The following CSMD3 variants were observed in gnomAD, a reference collection of about 807,000 sequenced individuals.
CSMD3 encodes the protein CUB and sushi domain-containing protein 3.
CSMD3 carries 177 observed loss-of-function variants against 435.2 expected under a neutral mutation model. The ratio of observed to expected loss-of-function variants is 0.41; its 90% confidence interval spans 0.36 to 0.46. CSMD3 has a LOEUF of 0.46. CSMD3 is among the 20% of genes least tolerant of loss of function. The pLI, the probability that CSMD3 is intolerant of heterozygous loss-of-function variation, is 0.34. For missense variants in CSMD3, 4,265 were observed against 4,504.6 expected (o/e 0.95, Z 1.52); for synonymous variants, 1,656 against 1,520.5 (o/e 1.09, Z -2.07).
At chr8:112,390,136 G>A (rs1788328507) in intron 36 of CSMD3, among the ~76,000 whole-genome samples, 1 of 152,220 alleles carries the variant, frequency 6.6e-6, no homozygotes, top group Non-Finnish European at 1.5e-5. Flanking sequence ...GAACGGATAT[G>A]ATTGCAATCT....
chr8:112,884,675 C>A (rs1564065416), intron 10 of CSMD3, among the ~76,000 whole-genome samples: 1 of 145,910 alleles, frequency 6.9e-6, no homozygotes, highest in African/African-American at 2.5e-5. Flanking sequence ...AGGGGGACAT[C>A]TTTTTTTTTT....
intron 12 of CSMD3, among the ~76,000 whole-genome samples, chr8:112,824,273 C>A (rs2079612787): frequency 6.6e-6 from 1 of 152,066 alleles, no homozygotes; most frequent in African/African-American, 2.4e-5. Flanking sequence ...CAGTCTTTGT[C>A]TTTTAACTGG....
At chr8:112,413,587 C>A (rs747714001) in intron 32 of CSMD3, among the ~76,000 whole-genome samples, 2 of 152,072 alleles carry the variant, frequency 1.3e-5, no homozygotes, top group Non-Finnish European at 2.9e-5. Flanking sequence ...CCAACAGTTA[C>A]CCTGAAAGCA....
chr8:112,832,756 A>T (rs1266770915), intron 11 of CSMD3, among the ~76,000 whole-genome samples: 2 of 151,542 alleles, frequency 1.3e-5, no homozygotes, highest in African/African-American at 4.9e-5. Context: ...CCATGCCCAG[A>T]CTCCTTTCCT....
At chr8:112,759,809 A>G (rs1034827829) in intron 13 of CSMD3, among the ~76,000 whole-genome samples, 5 of 152,058 alleles carry the variant, frequency 3.3e-5, no homozygotes, top group Admixed American at 2.6e-4. Flanking sequence ...TCTTGACTGA[A>G]AGAAATCCTA....
intron 24 of CSMD3, among the ~76,000 whole-genome samples, chr8:112,562,662 T>C (rs1397326676): frequency 6.6e-6 from 1 of 151,630 alleles, no homozygotes; most frequent in Admixed American, 6.6e-5. Context: ...CTCTATAGAA[T>C]TGTTGGTGAA....
chr8:112,880,996 G>A (rs1397149050), intron 10 of CSMD3, among the ~76,000 whole-genome samples: 1 of 151,912 alleles, frequency 6.6e-6, no homozygotes, highest in African/African-American at 2.4e-5. Context: ...AACATGGTTT[G>A]AAATATCCAT....
intron 19 of CSMD3, among the ~76,000 whole-genome samples, chr8:112,647,217 C>T (rs539255663): frequency 1.1e-3 from 166 of 152,048 alleles, no homozygotes; most frequent in African/African-American, 3.9e-3. Context: ...TAGCACTTCC[C>T]TCACAAATGA....
At position 112,864,844 on chromosome 8, in the gene CSMD3, T is replaced by A. The variant is rs79478496; in HGVS notation, c.1634-5578A>T. 4.6e-5 allele frequency among the ~76,000 whole-genome samples: 7 copies of A among 152,290 alleles called. No individual in the cohort carries two copies. In the East Asian group the frequency reaches 1.4e-3, roughly 29 times the overall value. The stretch of plus-strand genomic sequence containing the variant: ...ATAGGTTAGCTAATATTTATGCGTT[T>A]CCTATATTTATGATTATCTTAACTT... On this transcript the variant is annotated intron_variant, in intron 10 of 70. Transcript: ENST00000297405.
chr8:113,195,172 ACACT>A (rs1281396445), intron 3 of CSMD3, among the ~76,000 whole-genome samples: 4 of 150,310 alleles, frequency 2.7e-5, no homozygotes, highest in Non-Finnish European at 5.9e-5. Context: ...CTTACAAAAA[ACACT>A]CACTACTGAA....
rs537467693 is a variant in CSMD3, at chr8:112,616,419, C to G, written c.3715+20398G>C. Reference sequence around the variant, plus strand: ...ATTGTGATCTTCGAACTGCACAGCACTCCTACCATGTGAGATAAATAAGCT... The same window carrying G: ...ATTGTGATCTTCGAACTGCACAGCAGTCCTACCATGTGAGATAAATAAGCT... On this transcript the variant is annotated intron_variant, in intron 22 of 70. Transcript: ENST00000297405. Among the ~76,000 whole-genome samples the G allele has an allele frequency of 3.3e-4, 51 of 152,246 alleles. 1 individual carries two copies. Among genetic ancestry groups the G allele is most frequent in the Admixed American group, 2.7e-3 (41 of 15,258 alleles).
intron 27 of CSMD3, among the ~76,000 whole-genome samples, chr8:112,549,758 G>A (rs1827511283): frequency 6.6e-6 from 1 of 151,964 alleles, no homozygotes; most frequent in African/African-American, 2.4e-5. Flanking sequence ...TATGAGATGA[G>A]CATTGTTATT....
At chr8:112,426,585 C>T (rs12675142) in intron 32 of CSMD3, among the ~76,000 whole-genome samples, 29,782 of 152,072 alleles carry the variant, frequency 0.2, 3,334 homozygotes, top group Middle Eastern at 0.37. Flanking sequence ...TAGCTAATGT[C>T]TATTCATCTT....
chr8:112,476,666 G>A (rs1819085139), intron 31 of CSMD3, among the ~76,000 whole-genome samples: 1 of 152,124 alleles, frequency 6.6e-6, no homozygotes, highest in African/African-American at 2.4e-5. Context: ...CCAAAGAACT[G>A]TGTTTTATGT....
rs140418505 is a variant in CSMD3 at position 113,114,294 on chromosome 8, A to T, written c.710-15331T>A. Among the ~76,000 whole-genome samples, 49 of 152,280 alleles carry T rather than the reference A, an allele frequency of 3.2e-4. No individual in the cohort carries two copies. In the East Asian group the frequency reaches 9.3e-3, roughly 29 times the overall value. On this transcript the variant is annotated intron_variant, in intron 4 of 70. Transcript: ENST00000297405. ...AATAGAACGTGTGAAAAGAAGCGAG[A>T]CCAGTCAATTGAGAAATAAATGGCA...
chr8:112,327,322 G>A (rs1383143774), intron 45 of CSMD3, among the ~76,000 whole-genome samples: 2 of 152,064 alleles, frequency 1.3e-5, no homozygotes, highest in Admixed American at 1.3e-4. Context: ...TACAGGTTAG[G>A]ATCATAGACA....
chr8:113,427,241 T>A (rs186537816), intron 1 of CSMD3, among the ~76,000 whole-genome samples: 43 of 151,596 alleles, frequency 2.8e-4, no homozygotes, highest in African/African-American at 7.5e-4. Flanking sequence ...CACTTAAGTA[T>A]AATTTAATAA....
At chr8:112,887,456 A>C (rs2081639201) in intron 10 of CSMD3, among the ~76,000 whole-genome samples, 1 of 151,454 alleles carries the variant, frequency 6.6e-6, no homozygotes, top group Non-Finnish European at 1.5e-5. Context: ...TAATGTAAGT[A>C]CTATTATGTA....
chr8:113,424,756 G>A (rs890993387), intron 1 of CSMD3, among the ~76,000 whole-genome samples: 1 of 151,476 alleles, frequency 6.6e-6, no homozygotes, highest in African/African-American at 2.4e-5. Flanking sequence ...GAAATTACAA[G>A]AGAAAATTAC....
Sources: allele counts gnomAD v4.1 joint callset (sites outside exome capture counted in the v4.1 genomes callset), GRCh38; gene constraint gnomAD v4.1.1; transcripts MANE v1.5; gene names NCBI Gene and HGNC (gene_info 2026-07-23, HGNC 2026-07-21).